Variants in DNMBP observed in about 807,000 individuals in gnomAD.
The protein encoded by DNMBP is dynamin-binding protein.
In DNMBP, 87 loss-of-function variants were observed where a neutral mutation model predicts 150.0. The ratio of observed to expected loss-of-function variants is 0.58; its 90% CI spans 0.49 to 0.69. The LOEUF (loss-of-function observed/expected upper bound fraction) is 0.69, where lower values mean the gene tolerates loss of function less well. Among genes scored for constraint, DNMBP ranks in the 30% least tolerant of loss-of-function variants. The probability of loss-of-function intolerance (pLI) is 0.00; values close to 1 mark genes in which losing one functional copy is unlikely to be tolerated. For missense variants in DNMBP, 1,774 were observed against 1,949.0 expected, an observed-to-expected ratio of 0.91 and a Z score of 1.69; for synonymous variants, 711 against 750.4, an observed-to-expected ratio of 0.95 and a Z score of 0.86.
chr10:100,002,942 T>C (rs1402816431), intron 1 of DNMBP, among the ~76,000 whole-genome samples: 1 of 152,194 alleles, frequency 6.6e-6, no homozygotes, highest in Non-Finnish European at 1.5e-5. Flanking sequence ...TTAGACTCAC[T>C]CTTTTTAAGA....
Position 99,955,415 on chromosome 10 carries a change from G to T in DNMBP, c.2059C>A (p.Gln687Lys). The T allele has an allele frequency of 6.2e-7, 1 of 1,614,072 alleles. No individual in the cohort carries two copies. Among genetic ancestry groups the T allele is most frequent in the Non-Finnish European group, 8.5e-7 (1 of 1,179,994 alleles). The stretch of plus-strand genomic sequence containing the variant: ...AGCACTAAGGGGCATGGGGAGGTCT[G>T]GTCCAGACTCCTTCCCATATGACCA... ...GPGHMGRSLD[Q>K]TSPCPLVLVR... Residue 687 changes from glutamine (Q) to lysine (K), a missense_variant, in exon 4 of 17, where the codon CAG (glutamine) becomes AAG (lysine). Physicochemically the swap from Gln to Lys is moderately conservative, Grantham distance 53. Coordinates refer to ENST00000324109, the MANE Select transcript of DNMBP (RefSeq NM_015221.4).
intron 4 of DNMBP, among the ~76,000 whole-genome samples, chr10:99,929,414 T>C (rs757273593): frequency 2.6e-5 from 4 of 152,202 alleles, no homozygotes; most frequent in African/African-American, 4.8e-5. Flanking sequence ...TTTTTAGCAC[T>C]GTATATATAC....
intron 4 of DNMBP, among the ~76,000 whole-genome samples, chr10:99,919,666 G>A (rs1310826510): frequency 6.6e-6 from 1 of 152,156 alleles, no homozygotes; most frequent in Admixed American, 6.5e-5. Flanking sequence ...GGTGGCGTGC[G>A]CCACCAGCTA....
chr10:99,972,867 TGGCTCAGCCTCCCAAGTGATTCTCAA>T (rs1564750998), intron 1 of DNMBP, among the ~76,000 whole-genome samples: 2 of 152,212 alleles, frequency 1.3e-5, no homozygotes, highest in Non-Finnish European at 2.9e-5. Context: ...CTCTGCCTCC[TGGCTCAGCCTCCCAAGTGATTCTCAA>T]GGCTCAGCCT....
intron 1 of DNMBP, among the ~76,000 whole-genome samples, chr10:99,983,847 C>A (rs1303490087): frequency 6.6e-6 from 1 of 152,198 alleles, no homozygotes; most frequent in African/African-American, 2.4e-5. Flanking sequence ...AAACTTGGCC[C>A]AAGTTGGAAG....
intron 8 of DNMBP, 200 bp from the exon 9 acceptor site, chr10:99,898,485 C>A: frequency 1.5e-6 from 1 of 677,664 alleles, no homozygotes; most frequent in Non-Finnish European, 2.6e-6. Flanking sequence ...ATGTATTCAT[C>A]TAATAAACAC....
At chr10:99,887,947 C>T (rs1338484919) in intron 12 of DNMBP, among the ~76,000 whole-genome samples, 1 of 152,018 alleles carries the variant, frequency 6.6e-6, no homozygotes, top group Non-Finnish European at 1.5e-5. Context: ...GCCTCAGCCT[C>T]CCGAGTAGCT....
intron 4 of DNMBP, among the ~76,000 whole-genome samples, chr10:99,933,486 C>T (rs117730873): frequency 0.05 from 7,565 of 151,306 alleles, 266 homozygotes; most frequent in Middle Eastern, 0.18. Flanking sequence ...TGAAAATAGA[C>T]AGGAAAACAA....
Position 99,918,574 on chromosome 10 carries a change from C to CTTTTTT in DNMBP, c.2261-9434_2261-9429dup, listed in dbSNP as rs71009786. Among the ~76,000 whole-genome samples the CTTTTTT allele has an allele frequency of 3.6e-4, 49 of 137,902 alleles. 10 individuals are homozygous for CTTTTTT. Among genetic ancestry groups the CTTTTTT allele is most frequent in the African/African-American group, 3.8e-4 (14 of 36,612 alleles). 90.5% of individuals were successfully genotyped at this position (137,902 alleles called of 152,430 possible). A position where few individuals can be genotyped will look rare whatever the true frequency, so the allele number is the denominator to read the frequency against. ...CCCAAATTACAGGAGTCTGCAACTT[C>CTTTTTT]TTTTTTTTTTTTGAAAAGGAGTCTC... is the stretch of plus-strand genomic sequence containing the variant. On this transcript the variant is annotated intron_variant, in intron 4 of 16. Transcript: ENST00000324109.
chr10:99,899,872 A>C, intron 7 of DNMBP, 47 bp downstream of exon 7: 2 of 1,605,704 alleles, frequency 1.2e-6, no homozygotes, highest in Non-Finnish European at 1.7e-6. Context: ...GGTATAACTT[A>C]GAGAACTAAA....
intron 3 of DNMBP, among the ~76,000 whole-genome samples, chr10:99,967,698 T>TGG (rs1160861668): frequency 1.3e-5 from 2 of 150,972 alleles, no homozygotes; most frequent in East Asian, 3.9e-4. Context: ...TGTGTGTGTG[T>TGG]GGGTATGTGT....
rs1298637779 is a variant in DNMBP at position 99,879,886 on chromosome 10, T to C, written c.4473A>G (p.Lys1491=). 5.0e-6 allele frequency: 8 copies of C among 1,614,120 alleles called. No individual in the cohort carries two copies. The Admixed American group carries it at 1.3e-4, about 27-fold the overall frequency. The change falls in exon 16 of 17, where the codon AAA becomes AAG. Residue 1491 remains lysine (K), a synonymous_variant. Coordinates refer to ENST00000324109, the MANE Select transcript of DNMBP (RefSeq NM_015221.4). ...GAGCCTGGGCTGTTCTTGCACATCC[T>C]TTGACGAGGTCTTGACTTTGCCCAT... ...GRNGQSQDLV[K]GCARTAQAPE...
At chr10:99,911,342 G>A (rs2039896947) in intron 4 of DNMBP, among the ~76,000 whole-genome samples, 1 of 152,074 alleles carries the variant, frequency 6.6e-6, no homozygotes, top group Non-Finnish European at 1.5e-5. Context: ...CCAACATGGT[G>A]AAACCCCATC....
chr10:99,911,811 G>A lies in DNMBP; in HGVS notation c.2261-2665C>T, dbSNP rs553204319. Reference sequence around the variant, plus strand: ...CATAACCCTGATTTCATCAGTGTTCGATTATGATTCTAAATTCATTGTGTT... The same window carrying A: ...CATAACCCTGATTTCATCAGTGTTCAATTATGATTCTAAATTCATTGTGTT... On this transcript the variant is annotated intron_variant, in intron 4 of 16. Transcript: ENST00000324109. Among the ~76,000 whole-genome samples the A allele has an allele frequency of 5.8e-4, 88 of 152,232 alleles. 1 individual carries two copies. The highest frequency in any genetic ancestry group is 6.8e-3 in the Middle Eastern group (2 of 294).
intron 4 of DNMBP, among the ~76,000 whole-genome samples, chr10:99,923,835 A>G (rs1935540039): frequency 6.6e-6 from 1 of 152,112 alleles, no homozygotes; most frequent in Admixed American, 6.6e-5. Flanking sequence ...ATTTCCCTAC[A>G]GTCTTTTCTA....
intron 15 of DNMBP, among the ~76,000 whole-genome samples, chr10:99,882,836 G>A (rs963170345): frequency 6.6e-5 from 10 of 152,064 alleles, no homozygotes; most frequent in African/African-American, 2.4e-4. Flanking sequence ...AGGTCAAGGC[G>A]GGATGGAACA....
chr10:99,990,674 CAT>C (rs1330064209), intron 1 of DNMBP, among the ~76,000 whole-genome samples: 1 of 148,518 alleles, frequency 6.7e-6, no homozygotes, highest in African/African-American at 2.5e-5. Context: ...CACACATATA[CAT>C]ATATACACAC....
chr10:99,982,807 C>A (rs1445865578), intron 1 of DNMBP, among the ~76,000 whole-genome samples: 6 of 152,024 alleles, frequency 3.9e-5, no homozygotes, highest in African/African-American at 1.4e-4. Flanking sequence ...TAAAAATTAG[C>A]TGGACGTGGT....
At chr10:99,895,448 C>A (rs1590218202) in intron 10 of DNMBP, among the ~76,000 whole-genome samples, 1 of 152,346 alleles carries the variant, frequency 6.6e-6, no homozygotes, top group East Asian at 1.9e-4. Context: ...TCCTTAAAAA[C>A]ATCTTTTGTT....
Sources: gnomAD v4.1 joint callset for allele counts (sites outside exome capture counted in the v4.1 genomes callset) on GRCh38, gnomAD v4.1.1 for gene constraint, MANE v1.5 for transcripts, NCBI Gene and HGNC (gene_info 2026-07-23, HGNC 2026-07-21) for gene names.